ISL2: variants seen among roughly 807,000 people sequenced by gnomAD.
ISL2 encodes ISL LIM homeobox 2.
Under a neutral mutation model 34.6 loss-of-function variants are expected in ISL2, and 17 were observed. The observed-to-expected ratio is 0.49, with a 90% CI of 0.34 to 0.74. The LOEUF is 0.74. ISL2 is among the 30% of genes least tolerant of loss of function. The pLI is 0.01. For missense variants in ISL2, 469 were observed against 515.2 expected (o/e 0.91, Z 0.87); for synonymous variants, 232 against 225.5 (o/e 1.03, Z -0.26).
Position 76,338,007 on chromosome 15 carries a change from G to A in ISL2, c.248+40G>A. ...AACGCGGGCTGGGCCACCGCGCGCA[G>A]GGGCCGGGGCCGGGACTGGGGATGG... On this transcript the variant is annotated intron_variant, in intron 2 of 5. Transcript: ENST00000290759. The A allele has an allele frequency of 4.7e-6, 7 of 1,493,274 alleles. No homozygotes were observed. The South Asian group carries it at 6.5e-5, about 14-fold the overall frequency. 92.5% of individuals were successfully genotyped at this position (1,493,274 alleles called of 1,614,324 possible). A position where few individuals can be genotyped will look rare whatever the true frequency, so the allele number is the denominator to read the frequency against.
chr15:76,340,686 G>A, intron 4 of ISL2, 127 bp downstream of exon 4: 1 of 794,996 alleles, frequency 1.3e-6, no homozygotes, highest in Non-Finnish European at 2.0e-6. Context: ...GATGGTGTAT[G>A]TCTGTACCTT....
At chr15:76,340,669 C>T in intron 4 of ISL2, 110 bp downstream of exon 4, 1 of 998,848 alleles carries the variant, frequency 1.0e-6, no homozygotes, top group Non-Finnish European at 1.5e-6. Flanking sequence ...GAGAACTGGG[C>T]GCTCCAGATG....
intron 1 of ISL2, 109 bp downstream of exon 1, chr15:76,337,050 C>T: frequency 1.0e-6 from 1 of 999,630 alleles, no homozygotes; most frequent in Non-Finnish European, 1.6e-6. Context: ...TTCTATTTGT[C>T]AGAATAGTTT....
In ISL2 at chr15:76,337,009, A is replaced by C. The variant is rs1392435744; in HGVS notation, c.58+68A>C. ...GCTTAATATGCAAAATTTCTAATGC[A>C]GAAAAATGTTTAGTGGATTCTACAA... On this transcript the variant is annotated intron_variant, in intron 1 of 5. Coordinates refer to ENST00000290759, the MANE Select transcript of ISL2 (RefSeq NM_145805.3). 4 of 1,410,908 alleles carry C rather than the reference A, an allele frequency of 2.8e-6. No individual in the cohort carries two copies. In the African/African-American group the frequency reaches 4.3e-5, roughly 15 times the overall value. The allele number at this position is 1,410,908 out of a possible 1,614,324, so 87.4% of individuals were successfully genotyped here.
In ISL2 at chr15:76,342,048, T is replaced by A. The variant is rs1221556320; in HGVS notation, c.*213T>A. 1 of 508,040 alleles carries A rather than the reference T, an allele frequency of 2.0e-6. No individual in the cohort carries two copies. The highest frequency in any genetic ancestry group is 3.2e-5 in the East Asian group (1 of 31,068). The allele number at this position is 508,040 out of a possible 1,614,324, so 31.5% of individuals were successfully genotyped here. A position where few individuals can be genotyped will look rare whatever the true frequency, so the allele number is the denominator to read the frequency against. On this transcript the variant is annotated 3_prime_UTR_variant, in exon 6 of 6. Coordinates refer to ENST00000290759, the MANE Select transcript of ISL2 (RefSeq NM_145805.3). ...CTGCAGACCCCTGCTCCGAGGACTC[T>A]TAGTTTTTCAAAACCAGAATCTGGG...
At chr15:76,338,623 T>C (rs754159178) in intron 3 of ISL2, 109 bp downstream of exon 3, 188 of 1,237,804 alleles carry the variant, frequency 1.5e-4, no homozygotes, top group Admixed American at 6.2e-4. Context: ...TGTGGTTCCG[T>C]CTGCCGGGAT....
intron 4 of ISL2, 39 bp from the exon 5 acceptor site, chr15:76,341,095 C>T (rs780655088): frequency 1.3e-6 from 2 of 1,518,536 alleles, no homozygotes; most frequent in Non-Finnish European, 1.8e-6. Context: ...AAAGGCCAGA[C>T]CTAACTCGAG....
At chr15:76,338,776 C>A in intron 3 of ISL2, 6 of 985,394 alleles carry the variant, frequency 6.1e-6, no homozygotes, top group Non-Finnish European at 6.0e-6. Context: ...CAGGAACATG[C>A]AGGGCACAGT....
chr15:76,339,472 C>T lies in ISL2; in HGVS notation c.512-804C>T, dbSNP rs74026433. 2,228 of 985,650 alleles carry T rather than the reference C, an allele frequency of 2.3e-3. 34 individuals carry two copies. The African/African-American group carries it at 0.028, about 13-fold the overall frequency. 61.1% of individuals were successfully genotyped at this position (985,650 alleles called of 1,614,324 possible). ...GGAGCAAGCGGGTATTCAGTGCACC[C>T]CCATCTGGGATCTCGGAGAGGCTCC... is the stretch of plus-strand genomic sequence containing the variant. On this transcript the variant is annotated intron_variant, in intron 3 of 5. Coordinates refer to ENST00000290759, the MANE Select transcript of ISL2 (RefSeq NM_145805.3).
intron 3 of ISL2, chr15:76,339,947 G>C (rs77623289): frequency 3.5e-6 from 4 of 1,139,650 alleles, no homozygotes; most frequent in African/African-American, 3.2e-5. Context: ...GGCTTCGCTC[G>C]TTCCGAGGGT....
Position 76,338,406 on chromosome 15 carries a change from C to G in ISL2, c.403C>G (p.His135Asp), listed in dbSNP as rs775610971. Residue 135 changes from histidine (H) to aspartate (D), a missense_variant, in exon 3 of 6, where the codon CAC becomes GAC. Physicochemically the swap from His to Asp is moderately conservative, Grantham distance 81. Transcript: ENST00000290759. ...LPGDEFSLRE[H>D]ELLCRADHGL... ...TGGGGACGAGTTCTCGCTGCGGGAGCACGAGCTGCTCTGCCGCGCCGACCA... is the reference window on the plus strand; with the variant it reads ...TGGGGACGAGTTCTCGCTGCGGGAGGACGAGCTGCTCTGCCGCGCCGACCA... 1 of 1,527,734 alleles carries G rather than the reference C, an allele frequency of 6.5e-7. No homozygotes were observed. Among genetic ancestry groups the G allele is most frequent in the Admixed American group, 2.0e-5 (1 of 51,184 alleles). 94.6% of individuals were successfully genotyped at this position (1,527,734 alleles called of 1,614,324 possible).
At chr15:76,339,435 A>G (rs140386740) in intron 3 of ISL2, 2 of 985,434 alleles carry the variant, frequency 2.0e-6, no homozygotes, top group Non-Finnish European at 2.4e-6. Flanking sequence ...GATCAAATGG[A>G]GATGTGAAAT....
intron 4 of ISL2, 80 bp downstream of exon 4, chr15:76,340,639 C>T: frequency 7.0e-7 from 1 of 1,427,312 alleles, no homozygotes; most frequent in Non-Finnish European, 9.6e-7. Flanking sequence ...CTTTTCTGGG[C>T]GAGCCCTGGG....
Position 76,336,851 on chromosome 15 carries a change from G to A in ISL2, c.-33G>A. ...GCGCGACCCTCGTCCTTCTGCCCCT[G>A]GCCGCACACTTTGCGCACATCTCTT... On this transcript the variant is annotated 5_prime_UTR_variant, in exon 1 of 6. Coordinates refer to ENST00000290759, the MANE Select transcript of ISL2 (RefSeq NM_145805.3). The A allele has an allele frequency of 6.2e-7, 1 of 1,600,986 alleles. No individual in the cohort carries two copies. The highest frequency in any genetic ancestry group is 8.6e-7 in the Non-Finnish European group (1 of 1,168,144).
chr15:76,340,566 A>T lies in ISL2; in HGVS notation c.795+7A>T, dbSNP rs7180257. 1 of 1,597,628 alleles carries T rather than the reference A, an allele frequency of 6.3e-7. No individual in the cohort carries two copies. Among genetic ancestry groups the T allele is most frequent in the African/African-American group, 1.3e-5 (1 of 74,476 alleles). On this transcript the variant is annotated splice_region_variant and intron_variant, in intron 4 of 5. Transcript: ENST00000290759. ...GCAGCACAGCGACAAGACGGTGAGCAGCCGCTGGGCCGGAGGCTCGAGTCG... is the reference window on the plus strand; with the variant it reads ...GCAGCACAGCGACAAGACGGTGAGCTGCCGCTGGGCCGGAGGCTCGAGTCG...
At chr15:76,338,695 T>C in intron 3 of ISL2, 181 bp downstream of exon 3, 13 of 985,428 alleles carry the variant, frequency 1.3e-5, no homozygotes, top group South Asian at 9.4e-5. Context: ...TATTCTCGTG[T>C]GCTCGGGAGA....
intron 4 of ISL2, 26 bp from the exon 5 acceptor site, chr15:76,341,108 C>T (rs2040189500): frequency 1.3e-6 from 2 of 1,533,768 alleles, no homozygotes; most frequent in Non-Finnish European, 1.8e-6. Flanking sequence ...AACTCGAGCA[C>T]CTACTGCCTT....
At chr15:76,338,802 G>A in intron 3 of ISL2, 1 of 985,456 alleles carries the variant, frequency 1.0e-6, no homozygotes, top group Non-Finnish European at 1.2e-6. Flanking sequence ...GAGCAGAAGA[G>A]TGGATGACAA....
chr15:76,338,050 C>A, intron 2 of ISL2, 83 bp downstream of exon 2: 1 of 1,321,672 alleles, frequency 7.6e-7, no homozygotes, highest in Non-Finnish European at 9.8e-7. Flanking sequence ...CCCGCGCGCC[C>A]CGGCCCTGCC....
Sources: allele counts gnomAD v4.1 joint callset, GRCh38; gene constraint gnomAD v4.1.1; transcripts MANE v1.5; gene names NCBI Gene and HGNC (gene_info 2026-07-23, HGNC 2026-07-21).